ZSCAN25: variants seen among roughly 807,000 people sequenced by gnomAD.
ZSCAN25 encodes the protein zinc finger and SCAN domain-containing protein 25.
ZSCAN25 carries 27 observed loss-of-function variants against 38.7 expected under a neutral mutation model. The ratio of observed to expected loss-of-function variants is 0.70; its 90% CI spans 0.51 to 0.96. The LOEUF is 0.96. Ranked by LOEUF, ZSCAN25 falls within the 40% of genes least tolerant of loss-of-function variation. ZSCAN25 has a pLI of 0.00. For missense variants in ZSCAN25, 637 were observed against 705.9 expected (o/e 0.90, Z 1.11); for synonymous variants, 273 against 277.7 (o/e 0.98, Z 0.17).
the ZSCAN25 span, among the ~76,000 whole-genome samples, chr7:99,726,218 C>T: frequency 6.6e-6 from 1 of 152,162 alleles, no homozygotes; most frequent in Admixed American, 6.5e-5. Context: ...ATTACTATCC[C>T]ATTAAAGCCT....
chr7:99,692,300 C>G, the ZSCAN25 span, among the ~76,000 whole-genome samples: 2 of 152,122 alleles, frequency 1.3e-5, no homozygotes, highest in Non-Finnish European at 2.9e-5. Flanking sequence ...GTGGGGAAGC[C>G]GACCTTTCTC....
chr7:99,653,357 G>A, the ZSCAN25 span, among the ~76,000 whole-genome samples: 3 of 151,986 alleles, frequency 2.0e-5, no homozygotes, highest in Non-Finnish European at 2.9e-5. This position sits in a 1 kb window ranked among gnomAD's most constrained non-coding sequence, Gnocchi z 4.2. Context: ...AGACAGAGGC[G>A]GGAGGATGGC....
chr7:99,713,447 C>G, the ZSCAN25 span: 2 of 1,613,200 alleles, frequency 1.2e-6, no homozygotes, highest in Non-Finnish European at 1.7e-6. Context: ...ACCAGTAGCC[C>G]TCAGAAGCAC....
chr7:99,690,226 G>A, the ZSCAN25 span, among the ~76,000 whole-genome samples: 1 of 152,188 alleles, frequency 6.6e-6, no homozygotes, highest in African/African-American at 2.4e-5. Context: ...ATGGTGCTGG[G>A]AAAACTGGCT....
chr7:99,686,233 G>A, the ZSCAN25 span, among the ~76,000 whole-genome samples: 3 of 152,196 alleles, frequency 2.0e-5, no homozygotes, highest in African/African-American at 7.2e-5. Context: ...AAGCGCAAGG[G>A]GTCAAGGAGT....
At chr7:99,666,469 C>G in the ZSCAN25 span, 1 of 980,600 alleles carries the variant, frequency 1.0e-6, no homozygotes, top group Non-Finnish European at 1.6e-6. Context: ...TTAGGTGGCT[C>G]TTTGGAGTTG....
the ZSCAN25 span, chr7:99,695,794 T>C: frequency 2.5e-6 from 4 of 1,613,634 alleles, no homozygotes; most frequent in Non-Finnish European, 3.4e-6. Context: ...GTGTGGGCCC[T>C]GGAATGCCAA....
the ZSCAN25 span, chr7:99,705,727 T>A: frequency 8.8e-7 from 1 of 1,132,894 alleles, no homozygotes; most frequent in South Asian, 1.4e-5. Flanking sequence ...GCACTATAAA[T>A]CTTGGATTCG....
chr7:99,647,877 C>T, the ZSCAN25 span: 2 of 984,772 alleles, frequency 2.0e-6, no homozygotes, highest in Non-Finnish European at 2.4e-6. Context: ...TATCACTTCG[C>T]TTAATATAAA....
At chr7:99,692,749 C>A in the ZSCAN25 span, among the ~76,000 whole-genome samples, 2 of 152,184 alleles carry the variant, frequency 1.3e-5, no homozygotes, top group African/African-American at 4.8e-5. Context: ...GCTGTCAGGT[C>A]ATTTAAGGTC....
At chr7:99,646,240 T>C in the ZSCAN25 span, among the ~76,000 whole-genome samples, 4 of 152,250 alleles carry the variant, frequency 2.6e-5, no homozygotes, top group African/African-American at 9.6e-5. Flanking sequence ...TCTTGAAATA[T>C]ATAAACATGG....
At chr7:99,691,769 A>AT in the ZSCAN25 span, among the ~76,000 whole-genome samples, 1 of 151,758 alleles carries the variant, frequency 6.6e-6, no homozygotes, top group Non-Finnish European at 1.5e-5. Context: ...CCATCCTCTT[A>AT]TTTTGAGCCT....
At chr7:99,633,478 TGC>T (rs1477538160), downstream of ZSCAN25, among the ~76,000 whole-genome samples, 4 of 152,246 alleles carry the variant, frequency 2.6e-5, no homozygotes, top group African/African-American at 7.2e-5. Flanking sequence ...CCTCTTTATT[TGC>T]CTGTTTTCAG....
At chr7:99,666,766 T>C in the ZSCAN25 span, 2 of 1,610,032 alleles carry the variant, frequency 1.2e-6, no homozygotes, top group South Asian at 2.2e-5. Context: ...TTCTCCAGCA[T>C]GGAGCAGTAA....
chr7:99,709,380 T>A, the ZSCAN25 span: 1 of 1,439,762 alleles, frequency 6.9e-7, no homozygotes. Context: ...TGGCAAAGGA[T>A]TGTAGCATTC....
Position 99,630,271 on chromosome 7 carries a change from T to C in ZSCAN25, c.*251T>C, listed in dbSNP as rs1249995927. 2 of 1,291,568 alleles carry C rather than the reference T, an allele frequency of 1.5e-6. No individual in the cohort carries two copies. The highest frequency in any genetic ancestry group is 2.5e-5 in the South Asian group (1 of 40,650). The allele number at this position is 1,291,568 out of a possible 1,614,324, so 80.0% of individuals were successfully genotyped here. A position where few individuals can be genotyped will look rare whatever the true frequency, so the allele number is the denominator to read the frequency against. On this transcript the variant is annotated 3_prime_UTR_variant, in exon 8 of 8. Coordinates refer to ENST00000394152, the MANE Select transcript of ZSCAN25 (RefSeq NM_145115.3). ...CAGTCTCCTGCGGTTCAGTTCAGGCTGAGATTTTCTCCTTCAGTGGACTGT... is the reference window on the plus strand; with the variant it reads ...CAGTCTCCTGCGGTTCAGTTCAGGCCGAGATTTTCTCCTTCAGTGGACTGT...
the ZSCAN25 span, chr7:99,695,832 C>A: frequency 6.2e-7 from 1 of 1,613,488 alleles, no homozygotes. Context: ...TGTGAATGGG[C>A]TCCATATCTA....
the ZSCAN25 span, among the ~76,000 whole-genome samples, chr7:99,735,535 T>C: frequency 6.6e-6 from 1 of 152,190 alleles, no homozygotes; most frequent in African/African-American, 2.4e-5. Flanking sequence ...CAACAAGCCA[T>C]GCCTACAGAT....
chr7:99,621,012 G>C (rs1357397896), intron 4 of ZSCAN25: 1 of 160,062 alleles, frequency 6.2e-6, no homozygotes, highest in African/African-American at 2.4e-5. Context: ...GTTCACTGCA[G>C]GGTCTAGGCT....
Sources: gnomAD v4.1 joint callset for allele counts (sites outside exome capture counted in the v4.1 genomes callset) on GRCh38, gnomAD v4.1.1 for gene constraint, Gnocchi (gnomAD v3.1) non-coding constraint, MANE v1.5 for transcripts, NCBI Gene and HGNC (gene_info 2026-07-23, HGNC 2026-07-21) for gene names.